Variants in FEM1C observed in about 807,000 individuals in gnomAD.
FEM1C encodes fem-1 homolog C.
FEM1C carries 15 observed loss-of-function variants against 37.6 expected under a neutral mutation model. That is an observed-to-expected ratio of 0.40 (90% CI 0.27 to 0.61). FEM1C has a LOEUF of 0.61. FEM1C is among the 20% of genes least tolerant of loss of function. FEM1C has a pLI of 0.42. For missense variants in FEM1C, 532 were observed against 749.7 expected, an observed-to-expected ratio of 0.71 and a Z score of 3.39; for synonymous variants, 287 against 272.8, an observed-to-expected ratio of 1.05 and a Z score of -0.51.
intron 2 of FEM1C, 66 bp downstream of exon 2, chr5:115,542,884 A>G (rs892593682): frequency 1.3e-6 from 2 of 1,547,972 alleles, no homozygotes; most frequent in Non-Finnish European, 1.7e-6. Flanking sequence ...CAGTGCTTAT[A>G]ATGATGTATC....
chr5:115,543,681 A>G lies in FEM1C; in HGVS notation c.-188T>C. On this transcript the variant is annotated splice_region_variant and 5_prime_UTR_variant, in exon 2 of 3. Transcript: ENST00000274457. ...TCCAACATCTGACAACCAGGGCACC[A>G]AACTAGAGAAAGAAAAAAAAAGTAG... 1 of 1,359,400 alleles carries G rather than the reference A, an allele frequency of 7.4e-7. No individual in the cohort carries two copies. Among genetic ancestry groups the G allele is most frequent in the Non-Finnish European group, 9.4e-7 (1 of 1,061,322 alleles). 84.2% of individuals were successfully genotyped at this position (1,359,400 alleles called of 1,614,324 possible).
At chr5:115,540,150 C>T (rs1026826459) in intron 2 of FEM1C, among the ~76,000 whole-genome samples, 1 of 152,016 alleles carries the variant, frequency 6.6e-6, no homozygotes, top group Non-Finnish European at 1.5e-5. Context: ...AAATCACATC[C>T]TTCTCCAGTG....
chr5:115,531,368 T>C (rs78164791), intron 2 of FEM1C, among the ~76,000 whole-genome samples: 7,201 of 152,244 alleles, frequency 0.047, 210 homozygotes, highest in Middle Eastern at 0.13. Flanking sequence ...ACTATCTGTG[T>C]GGAGAGAGCA....
intron 2 of FEM1C, among the ~76,000 whole-genome samples, chr5:115,533,977 T>A (rs1242563791): frequency 1.3e-5 from 2 of 152,120 alleles, no homozygotes; most frequent in Middle Eastern, 3.4e-3. Flanking sequence ...TCAAAAGACA[T>A]GTTTGTTAAA....
intron 2 of FEM1C, among the ~76,000 whole-genome samples, chr5:115,527,010 T>A (rs1753908850): frequency 6.6e-6 from 1 of 152,032 alleles, no homozygotes; most frequent in Non-Finnish European, 1.5e-5. Context: ...GGTAGAAACA[T>A]GACACATATG....
At chr5:115,543,884 C>G (rs1331866949) in intron 1 of FEM1C, 1 of 984,722 alleles carries the variant, frequency 1.0e-6, no homozygotes, top group Non-Finnish European at 1.2e-6. Context: ...ATGTTCTGGT[C>G]GCAGGCAGTC....
At chr5:115,535,384 A>G (rs2127172806) in intron 2 of FEM1C, among the ~76,000 whole-genome samples, 1 of 151,972 alleles carries the variant, frequency 6.6e-6, no homozygotes, top group South Asian at 2.1e-4. Flanking sequence ...CTTACAGTTC[A>G]GTAATACAAA....
intron 2 of FEM1C, among the ~76,000 whole-genome samples, chr5:115,530,977 G>T (rs747756012): frequency 2.0e-5 from 3 of 151,650 alleles, no homozygotes; most frequent in Admixed American, 6.6e-5. Context: ...AAAGGGATAC[G>T]TATGCGAATA....
At chr5:115,538,017 T>C (rs532777320) in intron 2 of FEM1C, among the ~76,000 whole-genome samples, 1 of 152,186 alleles carries the variant, frequency 6.6e-6, no homozygotes, top group South Asian at 2.1e-4. Context: ...AAAATACATC[T>C]ATATTCTAAA....
At chr5:115,540,976 A>T (rs906431457) in intron 2 of FEM1C, among the ~76,000 whole-genome samples, 2 of 152,136 alleles carry the variant, frequency 1.3e-5, no homozygotes, top group East Asian at 3.8e-4. Context: ...ATTCTTCAAA[A>T]GAATGATAAT....
At chr5:115,526,192 A>T (rs1251280723) in intron 2 of FEM1C, among the ~76,000 whole-genome samples, 2 of 152,058 alleles carry the variant, frequency 1.3e-5, no homozygotes, top group Non-Finnish European at 2.9e-5. Context: ...AAGATTCTTC[A>T]TTTTGACTCT....
At chr5:115,539,929 G>A (rs1754205448) in intron 2 of FEM1C, among the ~76,000 whole-genome samples, 1 of 152,044 alleles carries the variant, frequency 6.6e-6, no homozygotes, top group African/African-American at 2.4e-5. Flanking sequence ...TCAACCGCCT[G>A]TTTAAAAGTA....
intron 2 of FEM1C, among the ~76,000 whole-genome samples, chr5:115,529,094 A>T (rs1753965419): frequency 6.6e-6 from 1 of 152,108 alleles, no homozygotes; most frequent in Admixed American, 6.6e-5. Flanking sequence ...TCAAAACCAG[A>T]ATTCTAGAGC....
At chr5:115,526,516 C>T (rs1373038397) in intron 2 of FEM1C, among the ~76,000 whole-genome samples, 1 of 152,116 alleles carries the variant, frequency 6.6e-6, no homozygotes, top group African/African-American at 2.4e-5. Flanking sequence ...CAGGCACTGG[C>T]ACATTAGTAA....
At chr5:115,531,410 T>C (rs1754012200) in intron 2 of FEM1C, among the ~76,000 whole-genome samples, 1 of 152,100 alleles carries the variant, frequency 6.6e-6, no homozygotes, top group Admixed American at 6.6e-5. Context: ...TCAGAAAACA[T>C]TATGTGCAGT....
rs1754290070 is a variant in FEM1C, at chr5:115,543,651, T to C, written c.-158A>G. ...CCACGAAGAGTATGTTCCGTCCTAC[T>C]GCTTTCCAACATCTGACAACCAGGG... On this transcript the variant is annotated 5_prime_UTR_variant, in exon 2 of 3. Transcript: ENST00000274457. 2.2e-6 allele frequency: 3 copies of C among 1,387,408 alleles called. No individual in the cohort carries two copies. The highest frequency in any genetic ancestry group is 5.3e-5 in the East Asian group (2 of 37,632). 85.9% of individuals were successfully genotyped at this position (1,387,408 alleles called of 1,614,324 possible). A position where few individuals can be genotyped will look rare whatever the true frequency, so the allele number is the denominator to read the frequency against.
At position 115,524,454 on chromosome 5, in the gene FEM1C, C is replaced by T; in HGVS notation, c.1708G>A (p.Glu570Lys). The change falls in exon 3 of 3, where the codon GAG (glutamate) becomes AAG (lysine). Residue 570 changes from glutamate (E) to lysine (K), a missense_variant. Glu to Lys is a moderately conservative substitution (Grantham distance 56, BLOSUM62 1). Coordinates refer to ENST00000274457, the MANE Select transcript of FEM1C (RefSeq NM_020177.3). ...ATTAAATTTTTAGCTATTTCCTTCTCATCCAGCAAGTCACTAGCAGTTTGT... is the reference window on the plus strand; with the variant it reads ...ATTAAATTTTTAGCTATTTCCTTCTTATCCAGCAAGTCACTAGCAGTTTGT... The part of the protein sequence containing the change: ...HKQTASDLLD[E>K]KEIAKNLIQP... The T allele has an allele frequency of 6.2e-7, 1 of 1,613,146 alleles. No individual in the cohort carries two copies. Among genetic ancestry groups the T allele is most frequent in the Non-Finnish European group, 8.5e-7 (1 of 1,179,542 alleles).
chr5:115,530,569 A>C (rs1361994617), intron 2 of FEM1C, among the ~76,000 whole-genome samples: 1 of 152,088 alleles, frequency 6.6e-6, no homozygotes, highest in Non-Finnish European at 1.5e-5. Flanking sequence ...ATAGAAAACA[A>C]TTTTGCCCCC....
At position 115,521,514 on chromosome 5, in the gene FEM1C, T is replaced by G. The variant is rs1335252958; in HGVS notation, c.*2794A>C. 1 of 151,880 alleles carries G rather than the reference T, an allele frequency of 6.6e-6. No homozygotes were observed. Among genetic ancestry groups the G allele is most frequent in the Admixed American group, 6.6e-5 (1 of 15,220 alleles). 9.4% of individuals were successfully genotyped at this position (151,880 alleles called of 1,614,324 possible). A position where few individuals can be genotyped will look rare whatever the true frequency, so the allele number is the denominator to read the frequency against. On this transcript the variant is annotated 3_prime_UTR_variant, in exon 3 of 3. Coordinates refer to ENST00000274457, the MANE Select transcript of FEM1C (RefSeq NM_020177.3). ...ACTATTTTTAAGTCTATAATCCATT[T>G]GTCTTTATAAAGTAGACTGGCATCT... is the stretch of plus-strand genomic sequence containing the variant.
Sources: allele counts gnomAD v4.1 joint callset (sites outside exome capture counted in the v4.1 genomes callset), GRCh38; gene constraint gnomAD v4.1.1; transcripts MANE v1.5; gene names NCBI Gene and HGNC (gene_info 2026-07-23, HGNC 2026-07-21).